TLCD3A: variants seen among roughly 807,000 people sequenced by gnomAD.
TLCD3A encodes TLC domain-containing protein 3A.
TLCD3A carries 17 observed loss-of-function variants against 29.9 expected under a neutral mutation model. The ratio of observed to expected loss-of-function variants is 0.57; its 90% CI spans 0.39 to 0.85. The LOEUF (loss-of-function observed/expected upper bound fraction) is 0.85, where lower values mean the gene tolerates loss of function less well. TLCD3A is among the 40% of genes least tolerant of loss of function. The pLI is 0.00. For synonymous variants in TLCD3A, 143 were observed against 147.7 expected (o/e 0.97, Z 0.23); for missense variants, 332 against 350.8 (o/e 0.95, Z 0.43).
At chr17:733,268 G>C in intron 2 of TLCD3A, 87 bp downstream of exon 2, 1 of 1,272,136 alleles carries the variant, frequency 7.9e-7, no homozygotes, top group Non-Finnish European at 1.1e-6. Flanking sequence ...CGCTCAGAAA[G>C]CTGACTAATG....
chr17:738,479 C>G (rs892381497), intron 3 of TLCD3A, among the ~76,000 whole-genome samples: 1 of 152,152 alleles, frequency 6.6e-6, no homozygotes, highest in Non-Finnish European at 1.5e-5. Flanking sequence ...TCTCCTTGTG[C>G]CTGCTGCTTC....
chr17:734,566 G>C (rs1974126407), intron 2 of TLCD3A, among the ~76,000 whole-genome samples: 1 of 151,956 alleles, frequency 6.6e-6, no homozygotes, highest in South Asian at 2.1e-4. Context: ...CTCCTGCCTG[G>C]GCCTCCCAAA....
rs1974103427 is a variant in TLCD3A at position 733,187 on chromosome 17, A to G, written c.206+6A>G. On this transcript the variant is annotated splice_donor_region_variant and intron_variant, in intron 2 of 4. Transcript: ENST00000308278. The stretch of plus-strand genomic sequence containing the variant: ...GACGACGTGATCACCGGCAGGTAAG[A>G]GCCCGGGCCGGGGCCTTGTTGCAAA... 2 of 1,542,636 alleles carry G rather than the reference A, an allele frequency of 1.3e-6. No homozygotes were observed. The highest frequency in any genetic ancestry group is 1.7e-6 in the Non-Finnish European group (2 of 1,145,462).
intron 4 of TLCD3A, 35 bp from the exon 5 acceptor site, chr17:741,266 G>T: frequency 4.3e-6 from 7 of 1,610,118 alleles, no homozygotes; most frequent in Non-Finnish European, 5.9e-6. Flanking sequence ...CAGCTTCTTG[G>T]TGACCTTACC....
chr17:738,124 C>T (rs1974193030), intron 3 of TLCD3A, 77 bp downstream of exon 3: 16 of 578,680 alleles, frequency 2.8e-5, no homozygotes, highest in South Asian at 2.8e-4. Flanking sequence ...CTGAGACAGT[C>T]TCACTCTGCC....
chr17:734,442 G>A (rs947882962), intron 2 of TLCD3A, among the ~76,000 whole-genome samples: 2 of 150,936 alleles, frequency 1.3e-5, no homozygotes, highest in African/African-American at 4.9e-5. Context: ...TCCCAAGCTT[G>A]GACTACAGGC....
Position 741,326 on chromosome 17 carries a change from A to G in TLCD3A, c.530A>G (p.Tyr177Cys), listed in dbSNP as rs1449328203. ...CTAAAGCAGCAGCACACCCTTCTGT[A>G]CAAGGTGAATGGAATCCTCACGCTG... is the stretch of plus-strand genomic sequence containing the variant. The part of the protein sequence containing the change: ...IQLKQQHTLL[Y>C]KVNGILTLAT... The change falls in exon 5 of 5, where the codon TAC (tyrosine) becomes TGC (cysteine). Residue 177 changes from tyrosine (Y) to cysteine (C), a missense_variant. Tyr to Cys is a radical substitution (Grantham distance 194). Transcript: ENST00000308278. 6.2e-7 allele frequency: 1 copy of G among 1,614,130 alleles called. No homozygotes were observed. The highest frequency in any genetic ancestry group is 2.2e-5 in the East Asian group (1 of 44,884).
chr17:737,333 A>T (rs139051563), intron 2 of TLCD3A, among the ~76,000 whole-genome samples: 214 of 152,254 alleles, frequency 1.4e-3, no homozygotes, highest in Admixed American at 4.6e-3. Context: ...TGTAAAGAAA[A>T]TGGCCAGGGT....
chr17:741,578 T>C lies in TLCD3A; in HGVS notation c.*8T>C, dbSNP rs377138754. 20 of 1,610,442 alleles carry C rather than the reference T, an allele frequency of 1.2e-5. No homozygotes were observed. Among genetic ancestry groups the C allele is most frequent in the Non-Finnish European group, 1.5e-5 (18 of 1,179,870 alleles). ...GCCAAAAAGGATGGCTAAATGCTCC[T>C]GGGAGTCAGGCGCAGCCTCACACCA... On this transcript the variant is annotated 3_prime_UTR_variant, in exon 5 of 5. Coordinates refer to ENST00000308278, the MANE Select transcript of TLCD3A (RefSeq NM_024792.3).
Position 741,669 on chromosome 17 carries a change from T to C in TLCD3A, c.*99T>C, listed in dbSNP as rs766815566. The stretch of plus-strand genomic sequence containing the variant: ...CCTGGGTAGCCTCAGACTTTGGGTA[T>C]TGATAAGCCGATGGATTTGAGTTTT... On this transcript the variant is annotated 3_prime_UTR_variant, in exon 5 of 5. Coordinates refer to ENST00000308278, the MANE Select transcript of TLCD3A (RefSeq NM_024792.3). The C allele has an allele frequency of 2.0e-4, 272 of 1,383,928 alleles. No homozygotes were observed. Among genetic ancestry groups the C allele is most frequent in the Non-Finnish European group, 2.5e-4 (259 of 1,019,942 alleles). 85.7% of individuals were successfully genotyped at this position (1,383,928 alleles called of 1,614,324 possible).
intron 3 of TLCD3A, among the ~76,000 whole-genome samples, chr17:738,343 G>A (rs1253675261): frequency 2.6e-5 from 4 of 151,998 alleles, no homozygotes; most frequent in Non-Finnish European, 5.9e-5. Flanking sequence ...TGATCCGCCC[G>A]CCTCGGCCTC....
intron 1 of TLCD3A, 44 bp from the exon 2 acceptor site, chr17:733,054 C>A (rs1370081700): frequency 6.5e-7 from 1 of 1,540,486 alleles, no homozygotes; most frequent in African/African-American, 1.4e-5. Context: ...CTGCGGTCCT[C>A]GGACCGGACT....
chr17:738,092 G>GTTTATTTTTTT, intron 3 of TLCD3A, 45 bp downstream of exon 3: 1 of 458,266 alleles, frequency 2.2e-6, no homozygotes, highest in Non-Finnish European at 3.1e-6. Flanking sequence ...GTTGAGCTGG[G>GTTTATTTTTTT]TGTCTTTTTT....
Position 741,859 on chromosome 17 carries a change from G to T in TLCD3A, c.*289G>T. 2.2e-6 allele frequency: 1 copy of T among 448,228 alleles called. No homozygotes were observed. The highest frequency in any genetic ancestry group is 4.1e-6 in the Non-Finnish European group (1 of 244,648). 27.8% of individuals were successfully genotyped at this position (448,228 alleles called of 1,614,324 possible). On this transcript the variant is annotated 3_prime_UTR_variant, in exon 5 of 5. Coordinates refer to ENST00000308278, the MANE Select transcript of TLCD3A (RefSeq NM_024792.3). ...GGTCTTATCTCAAGAGCTCTGGGAGGTGGAAGCATGGGGTGGGATCGGTGG... is the reference window on the plus strand; with the variant it reads ...GGTCTTATCTCAAGAGCTCTGGGAGTTGGAAGCATGGGGTGGGATCGGTGG...
rs747916899 is a variant in TLCD3A, at chr17:737,833, T to C, written c.207-13T>C. ...ACAATGATTTCACGGGCCATTCATA[T>C]GCTTTCTTTCAGGCACTGGCTTGCC... On this transcript the variant is annotated splice_polypyrimidine_tract_variant and intron_variant, in intron 2 of 4. Transcript: ENST00000308278. 10 of 1,613,646 alleles carry C rather than the reference T, an allele frequency of 6.2e-6. 1 individual carries two copies. Among genetic ancestry groups the C allele is most frequent in the South Asian group, 3.3e-5 (3 of 91,076 alleles).
chr17:732,816 C>A, intron 1 of TLCD3A, 47 bp downstream of exon 1: 1 of 1,403,040 alleles, frequency 7.1e-7, no homozygotes. Flanking sequence ...GCGCTGCCCA[C>A]CGCACCCCAC....
chr17:732,642 G>GC lies in TLCD3A; in HGVS notation c.-2dup. 1 of 1,315,178 alleles carries GC rather than the reference G, an allele frequency of 7.6e-7. No individual in the cohort carries two copies. Among genetic ancestry groups the GC allele is most frequent in the South Asian group, 2.0e-5 (1 of 50,920 alleles). The allele number at this position is 1,315,178 out of a possible 1,614,324, so 81.5% of individuals were successfully genotyped here. On this transcript the variant is annotated 5_prime_UTR_variant, in exon 1 of 5. Coordinates refer to ENST00000308278, the MANE Select transcript of TLCD3A (RefSeq NM_024792.3). ...CGCCAGCGAGGCGGCCGGACCCGCA[G>GC]CCCCGATGCTGCTGACGCTGGCCGG...
intron 2 of TLCD3A, among the ~76,000 whole-genome samples, chr17:734,371 C>A (rs551711846): frequency 1.3e-5 from 2 of 151,640 alleles, no homozygotes; most frequent in South Asian, 4.2e-4. Context: ...GGTGCAGTGG[C>A]ATAATGACAG....
chr17:733,491 C>G lies in TLCD3A; in HGVS notation c.206+310C>G, dbSNP rs12940886. 2.1e-3 allele frequency among the ~76,000 whole-genome samples: 313 copies of G among 152,316 alleles called. 1 individual carries two copies. The highest frequency in any genetic ancestry group is 0.017 in the Middle Eastern group (5 of 294). ...GGCTTGATTCTTGCAGTTGGCTTCA[C>G]TGGGTTCTCACTCTGGAGCATCACT... On this transcript the variant is annotated intron_variant, in intron 2 of 4. Coordinates refer to ENST00000308278, the MANE Select transcript of TLCD3A (RefSeq NM_024792.3).
Sources: gnomAD v4.1 joint callset for allele counts (sites outside exome capture counted in the v4.1 genomes callset) on GRCh38, gnomAD v4.1.1 for gene constraint, MANE v1.5 for transcripts, NCBI Gene and HGNC (gene_info 2026-07-23, HGNC 2026-07-21) for gene names.